Variants in DIP2B observed in about 807,000 individuals in gnomAD.
DIP2B encodes DIP2 acetate--CoA ligase B (putative).
DIP2B carries 76 observed loss-of-function variants against 198.0 expected under a neutral mutation model. That is an observed-to-expected ratio of 0.38 (90% CI 0.32 to 0.46). The LOEUF (loss-of-function observed/expected upper bound fraction) is 0.46, where lower values mean the gene tolerates loss of function less well. Ranked by LOEUF, DIP2B falls within the 20% of genes least tolerant of loss-of-function variation. DIP2B has a pLI of 0.99. For synonymous variants in DIP2B, 701 were observed against 739.1 expected, an observed-to-expected ratio of 0.95 and a Z score of 0.84; for missense variants, 1,559 against 1,978.4, an observed-to-expected ratio of 0.79 and a Z score of 4.02.
At chr12:50,545,228 T>C (rs1040899059) in intron 1 of DIP2B, among the ~76,000 whole-genome samples, 8 of 152,182 alleles carry the variant, frequency 5.3e-5, no homozygotes, top group Non-Finnish European at 1.0e-4. Context: ...CCAAAGTGTT[T>C]ATACCGATTT....
chr12:50,521,653 G>A (rs10783367), intron 1 of DIP2B, among the ~76,000 whole-genome samples: 88,940 of 151,408 alleles, frequency 0.59, 26,438 homozygotes, highest in South Asian at 0.71. Flanking sequence ...TCACCATCAC[G>A]CCCAGCTAAT....
At chr12:50,557,354 G>C (rs933491927) in intron 1 of DIP2B, among the ~76,000 whole-genome samples, 4 of 152,212 alleles carry the variant, frequency 2.6e-5, no homozygotes, top group Admixed American at 6.5e-5. Context: ...TTTCCTGTGT[G>C]TGGTGCATGG....
intron 20 of DIP2B, among the ~76,000 whole-genome samples, chr12:50,706,093 C>T (rs1189643166): frequency 6.6e-6 from 1 of 152,152 alleles, no homozygotes; most frequent in Non-Finnish European, 1.5e-5. Context: ...AACAGCATTA[C>T]CCTTACCAAC....
intron 1 of DIP2B, among the ~76,000 whole-genome samples, chr12:50,511,113 T>G (rs1354423455): frequency 6.7e-6 from 1 of 149,908 alleles, no homozygotes; most frequent in Non-Finnish European, 1.5e-5. Flanking sequence ...GCCCAGCTAA[T>G]TTTTTGTGTC....
Position 50,527,660 on chromosome 12 carries a change from T to C in DIP2B, c.100+22420T>C, listed in dbSNP as rs79390537. The stretch of plus-strand genomic sequence containing the variant: ...TTGGAGTTGAGGCTGCAGTGAACTA[T>C]GATCGTGCCACTACACTCTAGGCTG... On this transcript the variant is annotated intron_variant, in intron 1 of 37. Transcript: ENST00000301180. Among the ~76,000 whole-genome samples, 440 of 152,300 alleles carry C rather than the reference T, an allele frequency of 2.9e-3. 5 individuals carry two copies. Among genetic ancestry groups the C allele is most frequent in the African/African-American group, 9.6e-3 (401 of 41,572 alleles).
chr12:50,714,539 C>G lies in DIP2B; in HGVS notation c.2794C>G (p.Leu932Val). ...GGGATCACTGCATCCTTGCAACATC[C>G]TCATGTGCCCCCATACATGTGTGAC... is the stretch of plus-strand genomic sequence containing the variant. ...LEGSLHPCNILMCPHTCVTNL... is the reference protein window; with the variant it reads ...LEGSLHPCNIVMCPHTCVTNL... Residue 932 changes from leucine to valine, a missense_variant, in exon 23 of 38, where the codon CTC (leucine) becomes GTC (valine). Leu to Val is a conservative substitution (Grantham distance 32, BLOSUM62 1). Coordinates refer to ENST00000301180, the MANE Select transcript of DIP2B (RefSeq NM_173602.3). The G allele has an allele frequency of 6.2e-7, 1 of 1,614,184 alleles. No individual in the cohort carries two copies. The highest frequency in any genetic ancestry group is 8.5e-7 in the Non-Finnish European group (1 of 1,180,030).
chr12:50,651,881 C>G (rs892492521), intron 3 of DIP2B, among the ~76,000 whole-genome samples: 1 of 151,870 alleles, frequency 6.6e-6, no homozygotes, highest in African/African-American at 2.4e-5. Flanking sequence ...GTAATAGTTT[C>G]AAAATAAGGA....
intron 1 of DIP2B, among the ~76,000 whole-genome samples, chr12:50,563,324 C>A (rs1326040266): frequency 2.0e-5 from 3 of 152,054 alleles, no homozygotes; most frequent in Non-Finnish European, 4.4e-5. Flanking sequence ...GTGGCTAGAT[C>A]TATAGGTGCA....
chr12:50,725,178 G>A (rs920795378), intron 28 of DIP2B, among the ~76,000 whole-genome samples: 1 of 152,104 alleles, frequency 6.6e-6, no homozygotes, highest in Non-Finnish European at 1.5e-5. Context: ...TACATGTAGG[G>A]CCAAGTAAAA....
intron 1 of DIP2B, among the ~76,000 whole-genome samples, chr12:50,527,193 T>G (rs1179550953): frequency 6.6e-6 from 1 of 152,234 alleles, no homozygotes; most frequent in Admixed American, 6.5e-5. Context: ...TGGCAAATAT[T>G]GGTTTTGTTG....
intron 37 of DIP2B, among the ~76,000 whole-genome samples, chr12:50,742,822 G>A (rs975979055): frequency 2.0e-5 from 3 of 152,028 alleles, no homozygotes; most frequent in Non-Finnish European, 2.9e-5. Context: ...CTTGAACCTG[G>A]GAGGCGGAGG....
At chr12:50,624,988 A>C (rs545989091) in intron 1 of DIP2B, among the ~76,000 whole-genome samples, 1 of 152,324 alleles carries the variant, frequency 6.6e-6, no homozygotes, top group Admixed American at 6.5e-5. Flanking sequence ...TTTTTCCCCT[A>C]ATAAGTGGAT....
In DIP2B at chr12:50,632,943, C is replaced by A. The variant is rs181330188; in HGVS notation, c.172+6896C>A. On this transcript the variant is annotated intron_variant, in intron 2 of 37. Coordinates refer to ENST00000301180, the MANE Select transcript of DIP2B (RefSeq NM_173602.3). ...AAAAATTTAGTGAGTGATTTTTTTT[C>A]TTAAAAAAAAAAATAATTAGAGACA... Among the ~76,000 whole-genome samples the A allele has an allele frequency of 6.0e-5, 9 of 149,540 alleles. No homozygotes were observed. In the East Asian group the frequency reaches 1.8e-3, roughly 29 times the overall value.
intron 3 of DIP2B, among the ~76,000 whole-genome samples, chr12:50,655,717 C>T (rs1209475802): frequency 2.0e-5 from 3 of 152,208 alleles, no homozygotes; most frequent in Admixed American, 6.5e-5. Context: ...CAGTGGCTCA[C>T]GCCCATAATC....
At chr12:50,538,146 G>A (rs1958286785) in intron 1 of DIP2B, among the ~76,000 whole-genome samples, 2 of 152,144 alleles carry the variant, frequency 1.3e-5, no homozygotes, top group South Asian at 4.1e-4. Context: ...GCATAGGTTA[G>A]ATCTCTGGAT....
intron 1 of DIP2B, among the ~76,000 whole-genome samples, chr12:50,565,754 G>A (rs1273626951): frequency 2.6e-5 from 4 of 152,094 alleles, no homozygotes; most frequent in African/African-American, 9.7e-5. Context: ...AGTCAATGTA[G>A]TCCCAATTAA....
chr12:50,710,154 C>T (rs1342766317), intron 22 of DIP2B, among the ~76,000 whole-genome samples: 3 of 152,098 alleles, frequency 2.0e-5, no homozygotes, highest in African/African-American at 7.2e-5. Flanking sequence ...AAGGCCAAGA[C>T]TTTTTTGTCT....
intron 13 of DIP2B, 72 bp from the exon 14 acceptor site, chr12:50,692,877 G>C (rs1253877837): frequency 1.6e-6 from 2 of 1,277,664 alleles, no homozygotes; most frequent in African/African-American, 3.0e-5. Flanking sequence ...TTGTTTATAA[G>C]AGGCAAGTGA....
Position 50,723,221 on chromosome 12 carries a change from C to T in DIP2B, c.3186C>T (p.Ala1062=). 6.2e-7 allele frequency: 1 copy of T among 1,614,136 alleles called. No homozygotes were observed. The highest frequency in any genetic ancestry group is 1.1e-5 in the South Asian group (1 of 91,078). ...TTGCAGGCATTGAGTTAATCGCCGC[C>T]TTCTATGGCTGCCTGTATGCGGGCT... The part of the protein sequence containing the change: ...LYPPGIELIA[A]FYGCLYAGCI... Residue 1062 remains alanine, a synonymous_variant, in exon 27 of 38, where the codon GCC becomes GCT. Coordinates refer to ENST00000301180, the MANE Select transcript of DIP2B (RefSeq NM_173602.3).
Sources: allele counts gnomAD v4.1 joint callset (sites outside exome capture counted in the v4.1 genomes callset), GRCh38; gene constraint gnomAD v4.1.1; transcripts MANE v1.5; gene names NCBI Gene and HGNC (gene_info 2026-07-23, HGNC 2026-07-21).